UBXN7: variants seen among roughly 807,000 people sequenced by gnomAD.
The protein encoded by UBXN7 is UBX domain protein 7, also known as UBX domain-containing protein 7.
A neutral mutation model predicts 58.0 loss-of-function variants in UBXN7; 9 were observed. The observed-to-expected ratio is 0.16, with a 90% CI of 0.09 to 0.27. The LOEUF (loss-of-function observed/expected upper bound fraction) is 0.27, where lower values mean the gene tolerates loss of function less well. Among genes scored for constraint, UBXN7 ranks in the 10% least tolerant of loss-of-function variants. The pLI is 1.00. For missense variants in UBXN7, 328 were observed against 599.6 expected (o/e 0.55, Z 4.73); for synonymous variants, 208 against 205.0 (o/e 1.01, Z -0.12).
At chr3:196,396,900 T>A (rs1425064639) in intron 3 of UBXN7, among the ~76,000 whole-genome samples, 1 of 152,204 alleles carries the variant, frequency 6.6e-6, no homozygotes, top group Non-Finnish European at 1.5e-5. Flanking sequence ...TTAGTCAATA[T>A]TCCACATCAC....
chr3:196,375,768 C>G (rs958212840), intron 5 of UBXN7, among the ~76,000 whole-genome samples: 1 of 152,222 alleles, frequency 6.6e-6, no homozygotes, highest in Non-Finnish European at 1.5e-5. Context: ...GTGGCTCATG[C>G]CTGTAATCCC....
chr3:196,426,566 A>C (rs1468314158), intron 1 of UBXN7, among the ~76,000 whole-genome samples: 1 of 151,936 alleles, frequency 6.6e-6, no homozygotes. Context: ...CATATGAATG[A>C]GGCCAGGCGC....
chr3:196,391,150 C>A (rs1485224909), intron 5 of UBXN7, among the ~76,000 whole-genome samples: 1 of 152,116 alleles, frequency 6.6e-6, no homozygotes, highest in Non-Finnish European at 1.5e-5. Flanking sequence ...CAACAATTTA[C>A]AAATGGCTAA....
intron 1 of UBXN7, among the ~76,000 whole-genome samples, chr3:196,413,576 C>T (rs1045733275): frequency 8.5e-5 from 13 of 152,068 alleles, no homozygotes; most frequent in Admixed American, 2.0e-4. Flanking sequence ...CTTTCTCCCC[C>T]GAGTGAACAT....
intron 3 of UBXN7, chr3:196,400,661 G>T: frequency 3.6e-6 from 1 of 279,286 alleles, no homozygotes; most frequent in Non-Finnish European, 7.1e-6. Flanking sequence ...GAATCCTTGA[G>T]CCCAGGAGTT....
intron 8 of UBXN7, among the ~76,000 whole-genome samples, chr3:196,367,660 G>A (rs1434956847): frequency 6.6e-6 from 1 of 152,138 alleles, no homozygotes; most frequent in Non-Finnish European, 1.5e-5. Flanking sequence ...TTTAGACCTG[G>A]ATATCAGAAG....
At chr3:196,373,349 G>A (rs750276040) in intron 5 of UBXN7, among the ~76,000 whole-genome samples, 4 of 152,270 alleles carry the variant, frequency 2.6e-5, no homozygotes, top group Non-Finnish European at 5.9e-5. Context: ...TCGTTAGTGC[G>A]TACTTTTTGC....
At chr3:196,419,680 G>A (rs1730620427) in intron 1 of UBXN7, among the ~76,000 whole-genome samples, 1 of 152,178 alleles carries the variant, frequency 6.6e-6, no homozygotes, top group Non-Finnish European at 1.5e-5. Flanking sequence ...CATTTTTGGT[G>A]TTTCATGCCT....
rs1399695311 is a variant in UBXN7 at position 196,350,477 on chromosome 3, T to C, written c.*6208A>G. 6.6e-6 allele frequency: 1 copy of C among 152,244 alleles called. No individual in the cohort carries two copies. The highest frequency in any genetic ancestry group is 1.5e-5 in the Non-Finnish European group (1 of 68,036). The allele number at this position is 152,244 out of a possible 1,614,324, so 9.4% of individuals were successfully genotyped here. A position where few individuals can be genotyped will look rare whatever the true frequency, so the allele number is the denominator to read the frequency against. ...CATATTAAGACTTTGAAATGGAATT[T>C]CTTAAACATAGCCAATTACACTAAA... On this transcript the variant is annotated 3_prime_UTR_variant, in exon 11 of 11. Transcript: ENST00000296328.
chr3:196,381,904 A>T (rs1469615888), intron 5 of UBXN7, among the ~76,000 whole-genome samples: 2 of 152,234 alleles, frequency 1.3e-5, no homozygotes, highest in Non-Finnish European at 2.9e-5. Flanking sequence ...TTGAAGATCA[A>T]ATTAATGAAA....
At chr3:196,383,814 A>G (rs947611959) in intron 5 of UBXN7, among the ~76,000 whole-genome samples, 1 of 152,180 alleles carries the variant, frequency 6.6e-6, no homozygotes, top group Non-Finnish European at 1.5e-5. Context: ...GTAGAGGGAA[A>G]CTCATAGCAC....
chr3:196,354,683 TG>T lies in UBXN7; in HGVS notation c.*2001del, dbSNP rs1384030325. The stretch of plus-strand genomic sequence containing the variant: ...TGTTATCCAAGTTCAGAGATGCAAC[TG>T]AGGAATTAACATGAAAACCATCTTT... On this transcript the variant is annotated 3_prime_UTR_variant, in exon 11 of 11. Transcript: ENST00000296328. 4 of 152,198 alleles carry T rather than the reference TG, an allele frequency of 2.6e-5. No homozygotes were observed. The highest frequency in any genetic ancestry group is 9.7e-5 in the African/African-American group (4 of 41,448). 9.4% of individuals were successfully genotyped at this position (152,198 alleles called of 1,614,324 possible).
intron 1 of UBXN7, among the ~76,000 whole-genome samples, chr3:196,417,230 G>GTGA (rs1730522818): frequency 6.6e-6 from 1 of 152,042 alleles, no homozygotes; most frequent in Admixed American, 6.6e-5. Context: ...GGAGAATGGC[G>GTGA]TGAACCCGGC....
intron 10 of UBXN7, among the ~76,000 whole-genome samples, chr3:196,360,438 A>C (rs1428253426): frequency 6.6e-6 from 1 of 152,158 alleles, no homozygotes; most frequent in Admixed American, 6.5e-5. Flanking sequence ...CCAAAATCCC[A>C]GGTCCCTTAA....
At chr3:196,413,437 C>A (rs1254087429) in intron 1 of UBXN7, among the ~76,000 whole-genome samples, 3 of 152,072 alleles carry the variant, frequency 2.0e-5, no homozygotes, top group Non-Finnish European at 4.4e-5. Flanking sequence ...TAGAGAAAAT[C>A]GCCTTTCATT....
At chr3:196,420,711 T>C (rs1217914845) in intron 1 of UBXN7, among the ~76,000 whole-genome samples, 5 of 152,152 alleles carry the variant, frequency 3.3e-5, no homozygotes, top group African/African-American at 9.7e-5. Context: ...CTTCTCTCCA[T>C]CTGTTTTACA....
At chr3:196,430,936 G>A (rs1386573491) in intron 1 of UBXN7, among the ~76,000 whole-genome samples, 2 of 152,072 alleles carry the variant, frequency 1.3e-5, no homozygotes, top group Admixed American at 1.3e-4. Flanking sequence ...ATTAAGAGAA[G>A]TTATCATGCA....
intron 3 of UBXN7, among the ~76,000 whole-genome samples, chr3:196,394,024 C>A (rs2108846922): frequency 6.6e-6 from 1 of 152,284 alleles, no homozygotes; most frequent in African/African-American, 2.4e-5. Flanking sequence ...CATGGTGGCT[C>A]ATGCCTGTAA....
At chr3:196,429,787 C>T (rs1020123990) in intron 1 of UBXN7, among the ~76,000 whole-genome samples, 1 of 152,142 alleles carries the variant, frequency 6.6e-6, no homozygotes, top group Non-Finnish European at 1.5e-5. Context: ...AATAGAAATT[C>T]ACAATATTTG....
Sources: allele counts gnomAD v4.1 joint callset (sites outside exome capture counted in the v4.1 genomes callset), GRCh38; gene constraint gnomAD v4.1.1; transcripts MANE v1.5; gene names NCBI Gene and HGNC (gene_info 2026-07-23, HGNC 2026-07-21).